The following KIF20B variants were observed in gnomAD, a reference collection of about 807,000 sequenced individuals.
The protein encoded by KIF20B is kinesin-like protein KIF20B.
Under a neutral mutation model 232.5 loss-of-function variants are expected in KIF20B, and 188 were observed. That is an observed-to-expected ratio of 0.81 (90% confidence interval 0.72 to 0.91). The LOEUF (loss-of-function observed/expected upper bound fraction) is 0.91, where lower values mean the gene tolerates loss of function less well. Among genes scored for constraint, KIF20B ranks in the 40% least tolerant of loss-of-function variants. The pLI, the probability that KIF20B is intolerant of heterozygous loss-of-function variation, is 0.00. For missense variants in KIF20B, 2,154 were observed against 2,055.9 expected, an observed-to-expected ratio of 1.05 and a Z score of -0.92; for synonymous variants, 712 against 683.0, an observed-to-expected ratio of 1.04 and a Z score of -0.66.
chr10:89,721,688 C>CA (rs927081836), intron 13 of KIF20B, among the ~76,000 whole-genome samples: 72 of 150,808 alleles, frequency 4.8e-4, no homozygotes, highest in African/African-American at 1.7e-3. Context: ...AGAAACAAAC[C>CA]AAAAAACCCA....
rs376641117 is a variant in KIF20B, at chr10:89,774,837, G to T, written c.*789G>T. 236 of 151,992 alleles carry T rather than the reference G, an allele frequency of 1.6e-3. 1 individual carries two copies. The highest frequency in any genetic ancestry group is 5.4e-3 in the African/African-American group (225 of 41,528). 9.4% of individuals were successfully genotyped at this position (151,992 alleles called of 1,614,324 possible). On this transcript the variant is annotated 3_prime_UTR_variant, in exon 33 of 33. Coordinates refer to ENST00000371728, the MANE Select transcript of KIF20B (RefSeq NM_001284259.2). ...TCCCCACCTCCCCCTGCAACCGTCA[G>T]TACCCTTACCAGCCACTGGTAACCA...
chr10:89,767,183 CTTTTT>C, intron 29 of KIF20B, among the ~76,000 whole-genome samples: 1 of 142,392 alleles, frequency 7.0e-6, no homozygotes, highest in Non-Finnish European at 1.5e-5. Context: ...TCCACATACT[CTTTTT>C]TTTTTTTTTA....
intron 19 of KIF20B, among the ~76,000 whole-genome samples, chr10:89,735,940 C>T (rs992942913): frequency 6.6e-6 from 1 of 152,126 alleles, no homozygotes; most frequent in Non-Finnish European, 1.5e-5. Context: ...CATATTATAT[C>T]TGGGATCATT....
Position 89,752,624 on chromosome 10 carries a change from CA to C in KIF20B, c.4283del (p.Asn1428IlefsTer36), listed in dbSNP as rs759782141. On this transcript the variant is annotated frameshift_variant, in exon 25 of 33. Coordinates refer to ENST00000371728, the MANE Select transcript of KIF20B (RefSeq NM_001284259.2). LOFTEE classifies it high-confidence loss of function. ...TTGGAAACCAAAAACAATCAAAGGTCAAATAAAGAACATGAGAACAACACAG... is the reference window on the plus strand; with the variant it reads ...TTGGAAACCAAAAACAATCAAAGGTCAATAAAGAACATGAGAACAACACAG... ...NDLETKNNQR[S>X]NKEHENNTDV... 1.9e-6 allele frequency: 3 copies of C among 1,605,522 alleles called. No individual in the cohort carries two copies. The highest frequency in any genetic ancestry group is 2.6e-6 in the Non-Finnish European group (3 of 1,175,706).
intron 16 of KIF20B, among the ~76,000 whole-genome samples, 164 bp from the exon 17 acceptor site, chr10:89,727,692 A>G (rs1843219901): frequency 1.3e-5 from 2 of 151,868 alleles, no homozygotes; most frequent in South Asian, 4.2e-4. Context: ...TTGAATTAGC[A>G]GATTTTTTTT....
chr10:89,729,054 C>T lies in KIF20B; in HGVS notation c.2272-74C>T, dbSNP rs926046491. ...TTTGAAGGAATTATAAAACTGTTTGCATTATTAATCATATTTGCATTCTAG... is the reference window on the plus strand; with the variant it reads ...TTTGAAGGAATTATAAAACTGTTTGTATTATTAATCATATTTGCATTCTAG... On this transcript the variant is annotated intron_variant, in intron 17 of 32. Coordinates refer to ENST00000371728, the MANE Select transcript of KIF20B (RefSeq NM_001284259.2). 9 of 1,168,090 alleles carry T rather than the reference C, an allele frequency of 7.7e-6. No homozygotes were observed. In the South Asian group the frequency reaches 9.3e-5, roughly 12 times the overall value. 72.4% of individuals were successfully genotyped at this position (1,168,090 alleles called of 1,614,324 possible). A position where few individuals can be genotyped will look rare whatever the true frequency, so the allele number is the denominator to read the frequency against.
chr10:89,710,661 AG>A (rs1414554809), intron 5 of KIF20B, among the ~76,000 whole-genome samples: 4 of 152,384 alleles, frequency 2.6e-5, no homozygotes, highest in African/African-American at 9.6e-5. Flanking sequence ...ATAAATGACC[AG>A]AAGAAATTTT....
chr10:89,728,014 T>A (rs1843227943), intron 17 of KIF20B, 118 bp downstream of exon 17: 1 of 821,398 alleles, frequency 1.2e-6, no homozygotes, highest in Non-Finnish European at 1.7e-6. Flanking sequence ...TCTCTTGGTA[T>A]GCATGGGGGA....
Position 89,768,750 on chromosome 10 carries a change from C to A in KIF20B, c.5104C>A (p.Pro1702Thr). Reference sequence around the variant, plus strand: ...TTTTGTTTATTAGGTTGCCATACGTCCATCATCTAAGAAAACATATTCTTT... The same window carrying A: ...TTTTGTTTATTAGGTTGCCATACGTACATCATCTAAGAAAACATATTCTTT... ...VKKEQKVAIR[P>T]SSKKTYSLRS... The change falls in exon 31 of 33, where the codon CCA becomes ACA. Residue 1702 changes from proline to threonine, a missense_variant. Pro to Thr is a conservative substitution (Grantham distance 38). Coordinates refer to ENST00000371728, the MANE Select transcript of KIF20B (RefSeq NM_001284259.2). 6.3e-7 allele frequency: 1 copy of A among 1,588,394 alleles called. No individual in the cohort carries two copies. Among genetic ancestry groups the A allele is most frequent in the Non-Finnish European group, 8.5e-7 (1 of 1,172,614 alleles).
intron 9 of KIF20B, among the ~76,000 whole-genome samples, chr10:89,717,160 AT>A (rs1461848702): frequency 4.6e-5 from 7 of 152,196 alleles, no homozygotes; most frequent in Admixed American, 1.3e-4. Flanking sequence ...ATGTCGCTTT[AT>A]TATAAATGAT....
intron 26 of KIF20B, among the ~76,000 whole-genome samples, chr10:89,756,826 TC>T (rs1246786125): frequency 3.9e-5 from 6 of 152,076 alleles, no homozygotes; most frequent in Non-Finnish European, 8.8e-5. Context: ...TTTGTGAGAA[TC>T]ATCCATGTTT....
At position 89,762,620 on chromosome 10, in the gene KIF20B, T is replaced by G; in HGVS notation, c.4792-18T>G. The G allele has an allele frequency of 6.3e-7, 1 of 1,580,912 alleles. No individual in the cohort carries two copies. Among genetic ancestry groups the G allele is most frequent in the Non-Finnish European group, 8.7e-7 (1 of 1,153,244 alleles). The stretch of plus-strand genomic sequence containing the variant: ...TATACTCTACAAATAATATTTTTCC[T>G]TTTACATTCTGTTGTAGGATGGATC... On this transcript the variant is annotated intron_variant, in intron 28 of 32. Transcript: ENST00000371728.
At chr10:89,706,057 T>A (rs1004559220) in intron 2 of KIF20B, among the ~76,000 whole-genome samples, 1 of 152,234 alleles carries the variant, frequency 6.6e-6, no homozygotes, top group Admixed American at 6.5e-5. Flanking sequence ...ACAAACTGTA[T>A]AAGTTTAACT....
chr10:89,732,873 G>A (rs770835053), intron 18 of KIF20B, 30 bp from the exon 19 acceptor site: 2 of 1,485,716 alleles, frequency 1.3e-6, no homozygotes, highest in Non-Finnish European at 1.8e-6. Context: ...CTTTCTATAT[G>A]TGAATTATTT....
At chr10:89,709,123 C>A in intron 2 of KIF20B, 44 bp from the exon 3 acceptor site, 1 of 1,358,944 alleles carries the variant, frequency 7.4e-7, no homozygotes, top group South Asian at 1.2e-5. Flanking sequence ...TCTGAAAAGC[C>A]GTATCTTTCA....
intron 1 of KIF20B, among the ~76,000 whole-genome samples, chr10:89,704,185 A>G (rs1044838085): frequency 1.2e-4 from 19 of 152,308 alleles, no homozygotes; most frequent in Non-Finnish European, 2.1e-4. Context: ...TTCATTTTAT[A>G]TAATACCTGT....
chr10:89,768,379 A>G lies in KIF20B; in HGVS notation c.5079A>G (p.Lys1693=). ...CAGATGATAGAAATTCTTCTGTCAA[A>G]AAGGAACAAAAGGTGTGTCTTTTAA... ...PISDDRNSSV[K]KEQKVAIRPS... The change falls in exon 30 of 33, where the codon AAA becomes AAG. Residue 1693 remains lysine, a synonymous_variant. Transcript: ENST00000371728. 1 of 1,555,818 alleles carries G rather than the reference A, an allele frequency of 6.4e-7. No individual in the cohort carries two copies. The highest frequency in any genetic ancestry group is 1.2e-5 in the South Asian group (1 of 85,962).
chr10:89,709,414 A>C lies in KIF20B; in HGVS notation c.304A>C (p.Ser102Arg), dbSNP rs1018194599. 1 of 1,613,696 alleles carries C rather than the reference A, an allele frequency of 6.2e-7. No homozygotes were observed. The highest frequency in any genetic ancestry group is 8.5e-7 in the Non-Finnish European group (1 of 1,179,744). Residue 102 changes from serine (S) to arginine (R), a missense_variant, in exon 4 of 33, where the codon AGT becomes CGT. By Grantham distance (110) the Ser-to-Arg change is moderately radical. Coordinates refer to ENST00000371728, the MANE Select transcript of KIF20B (RefSeq NM_001284259.2). ...KEPQCILGRL[S>R]EKSSGQMAQK... The stretch of plus-strand genomic sequence containing the variant: ...GCCTCAATGCATCCTTGGTCGGTTA[A>C]GTGAAAAAAGCTCAGGGCAGATGGC...
chr10:89,739,240 C>T (rs767860766), intron 21 of KIF20B, 144 bp downstream of exon 21: 53 of 840,652 alleles, frequency 6.3e-5, no homozygotes, highest in Middle Eastern at 3.6e-4. Flanking sequence ...AGTTACTTCA[C>T]GAGAGAAAAT....
Sources: allele counts gnomAD v4.1 joint callset (sites outside exome capture counted in the v4.1 genomes callset), GRCh38; gene constraint gnomAD v4.1.1; transcripts MANE v1.5; gene names NCBI Gene and HGNC (gene_info 2026-07-23, HGNC 2026-07-21).